Variants in USP32 observed in about 807,000 individuals in gnomAD.
USP32 encodes the protein ubiquitin specific peptidase 32, also known as ubiquitin carboxyl-terminal hydrolase 32.
A neutral mutation model predicts 204.8 loss-of-function variants in USP32; 59 were observed. That is an observed-to-expected ratio of 0.29 (90% CI 0.23 to 0.36). The LOEUF (loss-of-function observed/expected upper bound fraction) is 0.36, where lower values mean the gene tolerates loss of function less well. Ranked by LOEUF, USP32 falls within the 10% of genes least tolerant of loss-of-function variation. USP32 has a pLI of 1.00. For synonymous variants in USP32, 517 were observed against 678.4 expected (o/e 0.76, Z 3.70); for missense variants, 1,160 against 1,946.4 (o/e 0.60, Z 7.60).
chr17:60,419,104 G>A (rs2143125440), intron 1 of USP32, among the ~76,000 whole-genome samples: 1 of 152,120 alleles, frequency 6.6e-6, no homozygotes, highest in East Asian at 1.9e-4. Context: ...GCAAAGACAT[G>A]GAATCAACCT....
chr17:60,219,043 T>C (rs1237856792), intron 16 of USP32, among the ~76,000 whole-genome samples: 1 of 152,242 alleles, frequency 6.6e-6, no homozygotes, highest in Non-Finnish European at 1.5e-5. Context: ...CTACTTTATA[T>C]GTCATTTTGA....
chr17:60,203,396 CAAAAAAAAAAAAA>C (rs554691150), intron 26 of USP32, among the ~76,000 whole-genome samples: 11 of 24,402 alleles, frequency 4.5e-4, no homozygotes, highest in Non-Finnish European at 7.9e-4. Flanking sequence ...GCGAGACTGT[CAAAAAAAAAAAAA>C]AAAAAAAAAA....
Position 60,181,718 on chromosome 17 carries a change from G to A in USP32, c.4154C>T (p.Thr1385Ile), listed in dbSNP as rs775752851. 7 of 1,608,354 alleles carry A rather than the reference G, an allele frequency of 4.4e-6. No individual in the cohort carries two copies. The highest frequency in any genetic ancestry group is 4.0e-5 in the African/African-American group (3 of 74,622). Residue 1385 changes from threonine to isoleucine, a missense_variant, in exon 32 of 34, where the codon ACC (threonine) becomes ATC (isoleucine). Thr to Ile is a moderately conservative substitution (Grantham distance 89, BLOSUM62 -1). Coordinates refer to ENST00000300896, the MANE Select transcript of USP32 (RefSeq NM_032582.4). Reference sequence around the variant, plus strand: ...GCTGTTTTTGCTGGAGGGACAGCTGGTTCCACTTTTTCTTGATGAAGAAGG... The same window carrying A: ...GCTGTTTTTGCTGGAGGGACAGCTGATTCCACTTTTTCTTGATGAAGAAGG... ...GSPSSSRKSG[T>I]SCPSSKNSSP...
intron 11 of USP32, among the ~76,000 whole-genome samples, chr17:60,239,346 A>G (rs763553822): frequency 2.6e-5 from 4 of 152,206 alleles, no homozygotes; most frequent in African/African-American, 7.2e-5. Context: ...TTTAAGTCCA[A>G]TGAGCTTTTT....
chr17:60,300,936 A>G (rs2087558569), intron 3 of USP32, among the ~76,000 whole-genome samples: 1 of 152,206 alleles, frequency 6.6e-6, no homozygotes, highest in East Asian at 1.9e-4. Flanking sequence ...ATATAAATGG[A>G]ATCATAATAT....
intron 1 of USP32, among the ~76,000 whole-genome samples, chr17:60,353,337 TA>T (rs2088996599): frequency 6.6e-6 from 1 of 152,136 alleles, no homozygotes; most frequent in African/African-American, 2.4e-5. Context: ...CAATGGGAAA[TA>T]ACATTTCTGT....
At chr17:60,240,491 AGG>A (rs1366073915) in intron 11 of USP32, among the ~76,000 whole-genome samples, 2 of 138,036 alleles carry the variant, frequency 1.4e-5, no homozygotes, top group African/African-American at 7.1e-5. Flanking sequence ...AAGAGAAAAA[AGG>A]GAGAGAGAGA....
chr17:60,391,662 C>G (rs2089836507), intron 1 of USP32, among the ~76,000 whole-genome samples: 1 of 152,134 alleles, frequency 6.6e-6, no homozygotes, highest in African/African-American at 2.4e-5. Flanking sequence ...GCGCCGATCC[C>G]CCTCTCTCAG....
intron 15 of USP32, among the ~76,000 whole-genome samples, chr17:60,220,839 G>A: frequency 6.6e-6 from 1 of 151,962 alleles, no homozygotes; most frequent in Admixed American, 6.6e-5. Context: ...AGTAGAGACA[G>A]GGTTTCACCG....
chr17:60,284,214 C>CTTTT (rs1181309647), intron 5 of USP32, among the ~76,000 whole-genome samples: 4 of 132,168 alleles, frequency 3.0e-5, no homozygotes, highest in African/African-American at 1.2e-4. Flanking sequence ...TTTTTCTTTT[C>CTTTT]TTTTTTTTTT....
intron 12 of USP32, among the ~76,000 whole-genome samples, chr17:60,234,268 C>T (rs1284631363): frequency 4.0e-5 from 6 of 151,766 alleles, no homozygotes; most frequent in Non-Finnish European, 2.9e-5. Flanking sequence ...CGCCTGCCAC[C>T]ATGCCCGGCT....
intron 2 of USP32, among the ~76,000 whole-genome samples, chr17:60,324,059 T>A (rs1020167997): frequency 6.6e-6 from 1 of 152,140 alleles, no homozygotes; most frequent in Non-Finnish European, 1.5e-5. Context: ...GGTAAGAAGA[T>A]TGCTTGAGGC....
chr17:60,291,567 GTGTGTA>G (rs1323942180), intron 4 of USP32, among the ~76,000 whole-genome samples: 1 of 149,974 alleles, frequency 6.7e-6, no homozygotes, highest in Non-Finnish European at 1.5e-5. Context: ...GTGTGTGTGT[GTGTGTA>G]TAAACACAAA....
chr17:60,405,159 T>C (rs1433457941), intron 1 of USP32, among the ~76,000 whole-genome samples: 1 of 152,140 alleles, frequency 6.6e-6, no homozygotes, highest in Non-Finnish European at 1.5e-5. Context: ...AGCAAAACTG[T>C]TTCAAAAATA....
At chr17:60,269,348 T>G (rs2086672722) in intron 7 of USP32, 102 bp downstream of exon 7, 1 of 842,368 alleles carries the variant, frequency 1.2e-6, no homozygotes, top group African/African-American at 1.8e-5. Flanking sequence ...CTGACAAAGT[T>G]ATAAAAATTC....
In USP32 at chr17:60,177,353, T is replaced by C. The variant is rs2083992008; in HGVS notation, c.*1902A>G. The stretch of plus-strand genomic sequence containing the variant: ...TTCGGTACATCAACACTATTTTATT[T>C]ACACTCTATTTATGTACATTAACAT... On this transcript the variant is annotated 3_prime_UTR_variant, in exon 34 of 34. Coordinates refer to ENST00000300896, the MANE Select transcript of USP32 (RefSeq NM_032582.4). Among the ~76,000 whole-genome samples, 1 of 152,236 alleles carries C rather than the reference T, an allele frequency of 6.6e-6. No homozygotes were observed. Among genetic ancestry groups the C allele is most frequent in the Non-Finnish European group, 1.5e-5 (1 of 68,036 alleles).
chr17:60,213,800 T>C, intron 17 of USP32, 138 bp from the exon 18 acceptor site: 2 of 914,018 alleles, frequency 2.2e-6, no homozygotes, highest in Middle Eastern at 2.5e-4. Flanking sequence ...CCTACTATAG[T>C]TGTTCATAAA....
In USP32 at chr17:60,177,542, C is replaced by A. The variant is rs963264998; in HGVS notation, c.*1713G>T. On this transcript the variant is annotated 3_prime_UTR_variant, in exon 34 of 34. Transcript: ENST00000300896. ...CAAACAACATTAGTAGATTGAGCTA[C>A]CTGCTTAAATAAAACATCTGTAAAG... Among the ~76,000 whole-genome samples the A allele has an allele frequency of 1.3e-5, 2 of 152,120 alleles. No individual in the cohort carries two copies. The highest frequency in any genetic ancestry group is 4.8e-5 in the African/African-American group (2 of 41,430).
At position 60,204,770 on chromosome 17, in the gene USP32, T is replaced by TTTTC. The variant is rs1178467534; in HGVS notation, c.3249+673_3249+676dup. On this transcript the variant is annotated intron_variant, in intron 26 of 33. Coordinates refer to ENST00000300896, the MANE Select transcript of USP32 (RefSeq NM_032582.4). ...AGATGTGAGCCACCGCACCTGGCCA[T>TTTTC]TTTCTTTCTTTCTTTCTTTTCTTTT... Among the ~76,000 whole-genome samples the TTTTC allele has an allele frequency of 4.1e-5, 6 of 148,104 alleles. No homozygotes were observed. In the East Asian group the frequency reaches 8.2e-4, roughly 20 times the overall value.
Sources: allele counts gnomAD v4.1 joint callset (sites outside exome capture counted in the v4.1 genomes callset), GRCh38; gene constraint gnomAD v4.1.1; transcripts MANE v1.5; gene names NCBI Gene and HGNC (gene_info 2026-07-23, HGNC 2026-07-21).